The following HTRA3 variants were observed in gnomAD, a reference collection of about 807,000 sequenced individuals.
The protein encoded by HTRA3 is HtrA serine peptidase 3.
In HTRA3, 41 loss-of-function variants were observed where a neutral mutation model predicts 43.2. That is an observed-to-expected ratio of 0.95 (90% confidence interval 0.74 to 1.23). The LOEUF (loss-of-function observed/expected upper bound fraction) is 1.23, where lower values mean the gene tolerates loss of function less well. Ranked by LOEUF, HTRA3 falls within the 50% of genes most tolerant of loss-of-function variation. The pLI is 0.00. For synonymous variants in HTRA3, 295 were observed against 287.9 expected (o/e 1.02, Z -0.25); for missense variants, 628 against 647.1 (o/e 0.97, Z 0.32).
intron 6 of HTRA3, among the ~76,000 whole-genome samples, chr4:8,300,570 A>G (rs549582879): frequency 6.6e-6 from 1 of 152,218 alleles, no homozygotes; most frequent in African/African-American, 2.4e-5. Context: ...TAGAATCTGT[A>G]GTGATGTCAC....
At position 8,292,318 on chromosome 4, in the gene HTRA3, C is replaced by T. The variant is rs772919295; in HGVS notation, c.904-3C>T. 23 of 1,612,914 alleles carry T rather than the reference C, an allele frequency of 1.4e-5. No homozygotes were observed. The highest frequency in any genetic ancestry group is 1.8e-5 in the Non-Finnish European group (21 of 1,179,522). ...CAGCTAATGCTGTTTCCTCCCCTTGCAGTACGGGAACTCCGGGGGACCACT... is the reference window on the plus strand; with the variant it reads ...CAGCTAATGCTGTTTCCTCCCCTTGTAGTACGGGAACTCCGGGGGACCACT... On this transcript the variant is annotated splice_region_variant and splice_polypyrimidine_tract_variant and intron_variant, in intron 4 of 8. Coordinates refer to ENST00000307358, the MANE Select transcript of HTRA3 (RefSeq NM_053044.5).
In HTRA3 at chr4:8,275,088, G is replaced by C. The variant is rs116746566; in HGVS notation, c.385+4735G>C. On this transcript the variant is annotated intron_variant, in intron 1 of 8. Transcript: ENST00000307358. ...TGAGCCACAGCATCTGGCGGCACTG[G>C]AGGACTTGGAACTGCCGGCAGAGCT... Among the ~76,000 whole-genome samples the C allele has an allele frequency of 8.2e-3, 1,242 of 152,278 alleles. 14 individuals are homozygous for C. Among genetic ancestry groups the C allele is most frequent in the African/African-American group, 0.028 (1,179 of 41,560 alleles).
At chr4:8,292,293 C>T (rs1270225899) in intron 4 of HTRA3, 28 bp from the exon 5 acceptor site, 8 of 1,609,978 alleles carry the variant, frequency 5.0e-6, no homozygotes, top group Middle Eastern at 1.7e-4. Context: ...GGGTCAGGCA[C>T]AGCTAATGCT....
chr4:8,270,389 C>A, intron 1 of HTRA3, 36 bp downstream of exon 1: 1 of 1,373,876 alleles, frequency 7.3e-7, no homozygotes, highest in South Asian at 1.6e-5. Flanking sequence ...AGTGAAGCTT[C>A]TTTCTCTTGG....
chr4:8,297,903 C>A lies in HTRA3; in HGVS notation c.1051+3702C>A, dbSNP rs992085763. ...TGTCAAGACCCCCCTGCTCCTGCAG[C>A]CCCACCTGCCGTCCCCACTGAGTTA... On this transcript the variant is annotated intron_variant, in intron 6 of 8. Transcript: ENST00000307358. The surrounding 1 kb of genome is among the most constrained non-coding windows in gnomAD (Gnocchi z 5.8). Among the ~76,000 whole-genome samples the A allele has an allele frequency of 1.1e-4, 16 of 152,340 alleles. No homozygotes were observed. The highest frequency in any genetic ancestry group is 1.5e-4 in the Non-Finnish European group (10 of 68,020).
intron 3 of HTRA3, among the ~76,000 whole-genome samples, chr4:8,287,833 G>T (rs921338803): frequency 5.9e-5 from 9 of 152,316 alleles, no homozygotes; most frequent in African/African-American, 1.9e-4. Flanking sequence ...CTGGAGCAGG[G>T]CTGGCCCGCT....
chr4:8,285,420 C>T (rs982514824), intron 2 of HTRA3, among the ~76,000 whole-genome samples: 1 of 152,204 alleles, frequency 6.6e-6, no homozygotes, highest in Non-Finnish European at 1.5e-5. Context: ...AGACTGTCAC[C>T]TCCCTGCACG....
At chr4:8,281,335 T>C (rs1712735025) in intron 1 of HTRA3, among the ~76,000 whole-genome samples, 1 of 152,182 alleles carries the variant, frequency 6.6e-6, no homozygotes, top group African/African-American at 2.4e-5. Context: ...AGCTGGACGT[T>C]ATGGACTGAG....
At chr4:8,289,460 T>C (rs189479513) in intron 3 of HTRA3, among the ~76,000 whole-genome samples, 1,668 of 152,304 alleles carry the variant, frequency 0.011, 26 homozygotes, top group African/African-American at 0.038. Flanking sequence ...CGAGGACCCC[T>C]GTGGGAAGAG....
intron 1 of HTRA3, among the ~76,000 whole-genome samples, 179 bp from the exon 2 acceptor site, chr4:8,282,257 TG>T: frequency 6.6e-6 from 1 of 152,284 alleles, no homozygotes; most frequent in Middle Eastern, 3.4e-3. Context: ...AAATGCCTGG[TG>T]TCACTGCACT....
In HTRA3 at chr4:8,302,387, C is replaced by T. The variant is rs369753952; in HGVS notation, c.1052-76C>T. 159 of 1,373,256 alleles carry T rather than the reference C, an allele frequency of 1.2e-4. No homozygotes were observed. The East Asian group carries it at 2.0e-3, about 17-fold the overall frequency. The allele number at this position is 1,373,256 out of a possible 1,614,324, so 85.1% of individuals were successfully genotyped here. ...CTGGTCCTGCAGGGGAACTTCTGTC[C>T]TCTGCCTGTCCCCTGAGGGAGCGTG... On this transcript the variant is annotated intron_variant, in intron 6 of 8. Transcript: ENST00000307358.
At chr4:8,305,420 G>T (rs549620044) in intron 8 of HTRA3, among the ~76,000 whole-genome samples, 1 of 152,262 alleles carries the variant, frequency 6.6e-6, no homozygotes, top group Non-Finnish European at 1.5e-5. Context: ...AGGGACTGAG[G>T]TTTAGAGAAG....
chr4:8,292,419 C>A, intron 5 of HTRA3, 66 bp downstream of exon 5: 2 of 1,362,066 alleles, frequency 1.5e-6, no homozygotes, highest in South Asian at 1.2e-5. Flanking sequence ...GGGTGCTCAG[C>A]CTTGAGGTGG....
chr4:8,283,895 C>G (rs1294751904), intron 2 of HTRA3, among the ~76,000 whole-genome samples: 2 of 152,164 alleles, frequency 1.3e-5, no homozygotes, highest in Non-Finnish European at 2.9e-5. Flanking sequence ...GCTCCAGCAC[C>G]GCCTCCCTGC....
chr4:8,302,522 G>A lies in HTRA3; in HGVS notation c.1100+11G>A. ...GACGATCACACCAAGGTGAGTGTCT[G>A]AAGAGTGCCATCCCCTGCTACCCCT... On this transcript the variant is annotated intron_variant, in intron 7 of 8. Transcript: ENST00000307358. 1 of 1,613,342 alleles carries A rather than the reference G, an allele frequency of 6.2e-7. No individual in the cohort carries two copies. Among genetic ancestry groups the A allele is most frequent in the East Asian group, 2.2e-5 (1 of 44,862 alleles).
Position 8,296,452 on chromosome 4 carries a change from T to C in HTRA3, c.1051+2251T>C, listed in dbSNP as rs1056914443. The C allele has an allele frequency of 2.0e-6, 2 of 985,290 alleles. No homozygotes were observed. The highest frequency in any genetic ancestry group is 2.4e-6 in the Non-Finnish European group (2 of 829,772). 61.0% of individuals were successfully genotyped at this position (985,290 alleles called of 1,614,324 possible). ...GTTTGTACTTGCTTCTCTTTTTTAT[T>C]TAATAAAATCCAATGATCCAAACCC... is the stretch of plus-strand genomic sequence containing the variant. On this transcript the variant is annotated intron_variant, in intron 6 of 8. Coordinates refer to ENST00000307358, the MANE Select transcript of HTRA3 (RefSeq NM_053044.5). The surrounding 1 kb of genome is among the most constrained non-coding windows in gnomAD (Gnocchi z 5.3).
intron 6 of HTRA3, among the ~76,000 whole-genome samples, chr4:8,298,261 C>G (rs929795794): frequency 6.6e-6 from 1 of 152,238 alleles, no homozygotes; most frequent in Non-Finnish European, 1.5e-5. Flanking sequence ...GCCTCCCGGC[C>G]AGCTCTGACC....
chr4:8,271,675 C>T (rs1224689735), intron 1 of HTRA3, among the ~76,000 whole-genome samples: 1 of 152,194 alleles, frequency 6.6e-6, no homozygotes, highest in Non-Finnish European at 1.5e-5. Context: ...GTGAGGGCTG[C>T]ACTCTGCGGA....
intron 1 of HTRA3, among the ~76,000 whole-genome samples, chr4:8,274,642 G>A (rs920468546): frequency 1.1e-4 from 16 of 152,194 alleles, no homozygotes; most frequent in African/African-American, 3.4e-4. Flanking sequence ...TTAAGGCATC[G>A]CAGTTGCACA....
Sources: allele counts gnomAD v4.1 joint callset (sites outside exome capture counted in the v4.1 genomes callset), GRCh38; gene constraint gnomAD v4.1.1; non-coding constraint Gnocchi (gnomAD v3.1); transcripts MANE v1.5; gene names NCBI Gene and HGNC (gene_info 2026-07-23, HGNC 2026-07-21).